The following PGAP3 variants were observed in gnomAD, a reference collection of about 807,000 sequenced individuals.
PGAP3 encodes the protein GPI-specific phospholipase A2-like PGAP3.
A neutral mutation model predicts 40.3 loss-of-function variants in PGAP3; 31 were observed. The ratio of observed to expected loss-of-function variants is 0.77; its 90% CI spans 0.58 to 1.04. The LOEUF (loss-of-function observed/expected upper bound fraction) is 1.04. PGAP3 is among the 50% of genes least tolerant of loss of function. The pLI is 0.00. For missense variants in PGAP3, 413 were observed against 423.0 expected, an observed-to-expected ratio of 0.98 and a Z score of 0.21; for synonymous variants, 191 against 184.5, an observed-to-expected ratio of 1.04 and a Z score of -0.29.
chr17:39,687,946 G>T lies in PGAP3; in HGVS notation c.69C>A (p.Gly23=). 1 of 1,473,318 alleles carries T rather than the reference G, an allele frequency of 6.8e-7. No individual in the cohort carries two copies. The highest frequency in any genetic ancestry group is 9.1e-7 in the Non-Finnish European group (1 of 1,097,150). The allele number at this position is 1,473,318 out of a possible 1,614,324, so 91.3% of individuals were successfully genotyped here. ...GAAALASGSQ[G]DREPVYRDCV... ...AGTCGCGGTACACCGGCTCACGGTC[G>T]CCCTGGGAGCCGCTCGCCAGCGCCG... is the stretch of plus-strand genomic sequence containing the variant. The change falls in exon 1 of 8, where the codon GGC becomes GGA. Residue 23 remains glycine (G), a synonymous_variant. Coordinates refer to ENST00000300658, the MANE Select transcript of PGAP3 (RefSeq NM_033419.5).
intron 2 of PGAP3, among the ~76,000 whole-genome samples, chr17:39,685,492 A>C (rs1376038015): frequency 1.3e-5 from 1 of 75,268 alleles, no homozygotes; most frequent in Non-Finnish European, 3.7e-5. Flanking sequence ...ACTCCATCTC[A>C]AAAAAAAAAA....
At chr17:39,678,617 G>A (rs959311676) in intron 3 of PGAP3, among the ~76,000 whole-genome samples, 23 of 152,170 alleles carry the variant, frequency 1.5e-4, no homozygotes, top group African/African-American at 4.8e-4. Flanking sequence ...AGCCCGGAGC[G>A]GGTGAGGGAC....
At chr17:39,682,099 G>A (rs779012913) in intron 3 of PGAP3, among the ~76,000 whole-genome samples, 15 of 151,306 alleles carry the variant, frequency 9.9e-5, no homozygotes, top group South Asian at 2.1e-4. Context: ...GGTGGTGGGC[G>A]CCTGTAGTCC....
intron 3 of PGAP3, among the ~76,000 whole-genome samples, chr17:39,680,053 C>T (rs1455844469): frequency 6.6e-6 from 1 of 152,178 alleles, no homozygotes; most frequent in Admixed American, 6.5e-5. Context: ...GCCCAGGCTG[C>T]CCAGAACTGC....
intron 3 of PGAP3, among the ~76,000 whole-genome samples, chr17:39,679,993 C>T (rs1339942239): frequency 6.6e-6 from 1 of 152,204 alleles, no homozygotes; most frequent in Non-Finnish European, 1.5e-5. Flanking sequence ...CACCTCACGA[C>T]TCCCAGGGCT....
chr17:39,680,929 T>A (rs1466751115), intron 3 of PGAP3, among the ~76,000 whole-genome samples: 1 of 152,030 alleles, frequency 6.6e-6, no homozygotes, highest in Non-Finnish European at 1.5e-5. Context: ...AGTGACAGGA[T>A]CACAGCTCAC....
At position 39,672,708 on chromosome 17, in the gene PGAP3, T is replaced by C. The variant is rs1296282696; in HGVS notation, c.*95A>G. On this transcript the variant is annotated 3_prime_UTR_variant, in exon 8 of 8. Coordinates refer to ENST00000300658, the MANE Select transcript of PGAP3 (RefSeq NM_033419.5). ...ATCCTTCATGTCCAAGTTCAAGAAG[T>C]TGAAAAGAGAAAATCATCTCAAGGG... The C allele has an allele frequency of 1.2e-5, 15 of 1,287,302 alleles. No individual in the cohort carries two copies. The highest frequency in any genetic ancestry group is 2.2e-6 in the Non-Finnish European group (2 of 899,402). 79.7% of individuals were successfully genotyped at this position (1,287,302 alleles called of 1,614,324 possible). A position where few individuals can be genotyped will look rare whatever the true frequency, so the allele number is the denominator to read the frequency against.
intron 3 of PGAP3, among the ~76,000 whole-genome samples, chr17:39,678,114 G>A (rs732083): frequency 0.52 from 78,532 of 151,738 alleles, 23,293 homozygotes; most frequent in South Asian, 0.69. Flanking sequence ...AGATCCCAGA[G>A]GATCCCTTGA....
chr17:39,676,278 G>A (rs2057374120), intron 3 of PGAP3, among the ~76,000 whole-genome samples: 1 of 152,310 alleles, frequency 6.6e-6, no homozygotes, highest in South Asian at 2.1e-4. Context: ...CCTTAGGGAG[G>A]AGAGTGGCCC....
Position 39,672,739 on chromosome 17 carries a change from G to A in PGAP3, c.*64C>T. ...AGAGAAAATCATCTCAAGGGTTGAG[G>A]GGAGAAGGGAGGCCAGCAGGGCGGG... is the stretch of plus-strand genomic sequence containing the variant. On this transcript the variant is annotated 3_prime_UTR_variant, in exon 8 of 8. Coordinates refer to ENST00000300658, the MANE Select transcript of PGAP3 (RefSeq NM_033419.5). 1.4e-6 allele frequency: 2 copies of A among 1,462,768 alleles called. No individual in the cohort carries two copies. Among genetic ancestry groups the A allele is most frequent in the South Asian group, 2.3e-5 (2 of 87,762 alleles). The allele number at this position is 1,462,768 out of a possible 1,614,324, so 90.6% of individuals were successfully genotyped here.
At chr17:39,687,427 C>A (rs2057565305) in intron 1 of PGAP3, among the ~76,000 whole-genome samples, 1 of 152,208 alleles carries the variant, frequency 6.6e-6, no homozygotes, top group South Asian at 2.1e-4. Context: ...ATCCCTGCCC[C>A]CACGTCTTCA....
Position 39,673,098 on chromosome 17 carries a change from A to G in PGAP3, c.852T>C (p.His284=), listed in dbSNP as rs766460118. 3.7e-6 allele frequency: 6 copies of G among 1,609,420 alleles called. No individual in the cohort carries two copies. The East Asian group carries it at 1.1e-4, about 30-fold the overall frequency. ...FPPLFWVLDA[H]AIWHISTIPV... ...GGATGGTGCTGATGTGCCAGATGGC[A>G]TGGGCATCCAGGACCCAGAAGAGCG... Residue 284 remains histidine, a synonymous_variant, in exon 7 of 8, where the codon CAT becomes CAC. Transcript: ENST00000300658.
At chr17:39,684,888 G>A (rs1292880939) in intron 2 of PGAP3, 139 bp from the exon 3 acceptor site, 3 of 1,071,784 alleles carry the variant, frequency 2.8e-6, no homozygotes, top group Admixed American at 2.9e-5. Flanking sequence ...CTCAGGTTCA[G>A]TACCTCTTCA....
chr17:39,677,133 C>T (rs2057384539), intron 3 of PGAP3, among the ~76,000 whole-genome samples: 1 of 152,190 alleles, frequency 6.6e-6, no homozygotes, highest in Non-Finnish European at 1.5e-5. Flanking sequence ...ACTGCCTCAC[C>T]TACAAAACAG....
At chr17:39,674,522 G>C (rs552116147) in intron 4 of PGAP3, 95 bp downstream of exon 4, 2 of 1,339,346 alleles carry the variant, frequency 1.5e-6, no homozygotes, top group Non-Finnish European at 2.0e-6. Context: ...GTGCTCCTCA[G>C]AGGGAGTTGG....
chr17:39,679,509 G>A (rs1398018846), intron 3 of PGAP3, among the ~76,000 whole-genome samples: 1 of 152,204 alleles, frequency 6.6e-6, no homozygotes, highest in African/African-American at 2.4e-5. Context: ...CTCTCTAGTA[G>A]AGGTGGGGAC....
intron 5 of PGAP3, 84 bp downstream of exon 5, chr17:39,673,909 A>C: frequency 6.7e-7 from 1 of 1,492,470 alleles, no homozygotes; most frequent in Non-Finnish European, 9.3e-7. Flanking sequence ...AGACTAGTGA[A>C]GAAGGCCCCC....
At chr17:39,683,392 A>G (rs2057467044) in intron 3 of PGAP3, among the ~76,000 whole-genome samples, 1 of 152,080 alleles carries the variant, frequency 6.6e-6, no homozygotes, top group Non-Finnish European at 1.5e-5. Flanking sequence ...TGATGGCCCC[A>G]TGCTGGTCTT....
At chr17:39,679,630 G>A (rs2057415796) in intron 3 of PGAP3, among the ~76,000 whole-genome samples, 1 of 152,148 alleles carries the variant, frequency 6.6e-6, no homozygotes, top group Non-Finnish European at 1.5e-5. Flanking sequence ...TGCTTTCTTA[G>A]CCAGGACTAA....
Sources: gnomAD v4.1 joint callset for allele counts (sites outside exome capture counted in the v4.1 genomes callset) on GRCh38, gnomAD v4.1.1 for gene constraint, MANE v1.5 for transcripts, NCBI Gene and HGNC (gene_info 2026-07-23, HGNC 2026-07-21) for gene names.